The following NSUN4 variants were observed in gnomAD, a reference collection of about 807,000 sequenced individuals.
The protein encoded by NSUN4 is 5-cytosine rRNA methyltransferase NSUN4.
NSUN4 carries 31 observed loss-of-function variants against 43.8 expected under a neutral mutation model. The observed-to-expected ratio is 0.71, with a 90% CI of 0.53 to 0.96. The LOEUF is 0.96. Among genes scored for constraint, NSUN4 ranks in the 40% least tolerant of loss-of-function variants. The pLI is 0.00. For missense variants in NSUN4, 439 were observed against 475.6 expected, an observed-to-expected ratio of 0.92 and a Z score of 0.72; for synonymous variants, 167 against 184.1, an observed-to-expected ratio of 0.91 and a Z score of 0.75.
chr1:46,346,663 G>A (rs888540435), intron 2 of NSUN4, among the ~76,000 whole-genome samples: 2 of 152,136 alleles, frequency 1.3e-5, no homozygotes, highest in Admixed American at 6.5e-5. Flanking sequence ...GGTGGAGGTT[G>A]CAGCGAGACG....
At chr1:46,371,938 A>G in the NSUN4 span, among the ~76,000 whole-genome samples, 5 of 152,180 alleles carry the variant, frequency 3.3e-5, no homozygotes, top group East Asian at 5.8e-4. Flanking sequence ...ATCCGCCCCT[A>G]TGATTCAAAC....
intron 4 of NSUN4, among the ~76,000 whole-genome samples, chr1:46,357,021 G>A (rs1663430539): frequency 2.0e-5 from 3 of 152,128 alleles, no homozygotes; most frequent in African/African-American, 7.2e-5. Flanking sequence ...ATCCTGGCAC[G>A]ACTGGTTATT....
At chr1:46,383,919 G>C in the NSUN4 span, among the ~76,000 whole-genome samples, 1 of 152,184 alleles carries the variant, frequency 6.6e-6, no homozygotes, top group African/African-American at 2.4e-5. Flanking sequence ...AGGGGAAGGG[G>C]TTCTTATTCC....
the NSUN4 span, among the ~76,000 whole-genome samples, chr1:46,374,797 A>G: frequency 6.6e-6 from 1 of 151,846 alleles, no homozygotes; most frequent in Non-Finnish European, 1.5e-5. Context: ...CCAGGAGTAT[A>G]TGAGTATATG....
intron 4 of NSUN4, among the ~76,000 whole-genome samples, chr1:46,357,492 T>C (rs1663470373): frequency 6.6e-6 from 1 of 152,208 alleles, no homozygotes; most frequent in Admixed American, 6.5e-5. Flanking sequence ...ATTAGAAATA[T>C]ATTAGAACCA....
chr1:46,346,987 C>T lies in NSUN4; in HGVS notation c.504C>T (p.Ala168=), dbSNP rs767222066. ...MDAASLLPVL[A]LGLQPGDIVL... ...CTGCCTCCTTGCTGCCTGTTCTGGC[C>T]CTCGGCCTGCAGCCTGGGGACATCG... The change falls in exon 3 of 6, where the codon GCC becomes GCT. Residue 168 remains alanine (A), a synonymous_variant. Coordinates refer to ENST00000474844, the MANE Select transcript of NSUN4 (RefSeq NM_199044.4). 5 of 1,614,026 alleles carry T rather than the reference C, an allele frequency of 3.1e-6. No homozygotes were observed. The highest frequency in any genetic ancestry group is 1.6e-4 in the Middle Eastern group (1 of 6,084).
intron 3 of NSUN4, among the ~76,000 whole-genome samples, chr1:46,349,366 T>A (rs1326197590): frequency 6.6e-6 from 1 of 152,028 alleles, no homozygotes; most frequent in Non-Finnish European, 1.5e-5. Flanking sequence ...GGTCTTGATC[T>A]CCTGACCTCG....
intron 3 of NSUN4, among the ~76,000 whole-genome samples, chr1:46,347,657 C>G (rs1470825519): frequency 6.6e-6 from 1 of 152,136 alleles, no homozygotes; most frequent in Non-Finnish European, 1.5e-5. Context: ...GTTTACTTTT[C>G]CTCTAAGATT....
At chr1:46,371,332 G>A in the NSUN4 span, among the ~76,000 whole-genome samples, 1 of 147,816 alleles carries the variant, frequency 6.8e-6, no homozygotes, top group Non-Finnish European at 1.5e-5. Context: ...TTGAGATGGA[G>A]TCTTGCTCTG....
chr1:46,383,487 G>C, the NSUN4 span, among the ~76,000 whole-genome samples: 1 of 135,440 alleles, frequency 7.4e-6, no homozygotes, highest in East Asian at 2.2e-4. Flanking sequence ...ATGGAGTCTC[G>C]CTCTGTCGCC....
In NSUN4 at chr1:46,360,716, G is replaced by A. The variant is rs1406849075; in HGVS notation, c.766G>A (p.Val256Met). Reference protein sequence around the residue: ...GDTYDRVLVDVPCTTDRHSLH... With the variant: ...GDTYDRVLVDMPCTTDRHSLH... Reference sequence around the variant, plus strand: ...ACACTCTGGGTAGGTGCTGGTGGATGTGCCCTGTACCACAGACCGCCACTC... The same window carrying A: ...ACACTCTGGGTAGGTGCTGGTGGATATGCCCTGTACCACAGACCGCCACTC... The change falls in exon 5 of 6, where the codon GTG becomes ATG. Residue 256 changes from valine to methionine, a missense_variant. Physicochemically the swap from Val to Met is conservative, Grantham distance 21. Transcript: ENST00000474844. 3.1e-6 allele frequency: 5 copies of A among 1,613,876 alleles called. No homozygotes were observed. Among genetic ancestry groups the A allele is most frequent in the East Asian group, 4.5e-5 (2 of 44,880 alleles).
chr1:46,358,241 G>C (rs1461678471), intron 4 of NSUN4, among the ~76,000 whole-genome samples: 3 of 151,854 alleles, frequency 2.0e-5, no homozygotes, highest in African/African-American at 7.3e-5. Flanking sequence ...GATTACAGGT[G>C]CCCACCACTG....
the NSUN4 span, among the ~76,000 whole-genome samples, chr1:46,377,159 C>T: frequency 6.6e-6 from 1 of 151,058 alleles, no homozygotes; most frequent in African/African-American, 2.4e-5. Flanking sequence ...AAGCAATTCT[C>T]ATGCCTCAGC....
chr1:46,384,138 G>T, the NSUN4 span, among the ~76,000 whole-genome samples: 1 of 152,186 alleles, frequency 6.6e-6, no homozygotes, highest in Non-Finnish European at 1.5e-5. Context: ...AGTCAGGGTG[G>T]AGTAGGTAAT....
At chr1:46,356,585 G>A (rs944029510) in intron 4 of NSUN4, among the ~76,000 whole-genome samples, 3 of 152,052 alleles carry the variant, frequency 2.0e-5, no homozygotes, top group African/African-American at 4.8e-5. Flanking sequence ...CCAGCTACTC[G>A]GGAGGCTGAG....
chr1:46,348,337 G>A (rs529952035), intron 3 of NSUN4, among the ~76,000 whole-genome samples: 2 of 152,278 alleles, frequency 1.3e-5, no homozygotes, highest in East Asian at 1.9e-4. Context: ...TGTCTCCTAC[G>A]CTCCCACAGC....
the NSUN4 span, among the ~76,000 whole-genome samples, chr1:46,376,751 AAC>A: frequency 6.6e-6 from 1 of 150,662 alleles, no homozygotes; most frequent in East Asian, 2.0e-4. Context: ...TGTGTATAGA[AAC>A]ACACTTACTA....
rs762010717 is a variant in NSUN4 at position 46,353,027 on chromosome 1, G to A, written c.752G>A (p.Arg251Gln). The A allele has an allele frequency of 3.7e-6, 6 of 1,613,784 alleles. No homozygotes were observed. Among genetic ancestry groups the A allele is most frequent in the South Asian group, 1.1e-5 (1 of 91,078 alleles). ...GAACTGGAGGGGGACACCTATGACC[G>A]GGTGAGTGATTCTTGATTTAGGACA... ...WGELEGDTYD[R>Q]VLVDVPCTTD... Residue 251 changes from arginine to glutamine, a missense_variant and splice_region_variant, in exon 4 of 6, where the codon CGG (arginine) becomes CAG (glutamine). Arg to Gln is a conservative substitution (Grantham distance 43, BLOSUM62 1). Transcript: ENST00000474844.
At chr1:46,355,330 G>T (rs1356314626) in intron 4 of NSUN4, among the ~76,000 whole-genome samples, 2 of 152,174 alleles carry the variant, frequency 1.3e-5, no homozygotes, top group Non-Finnish European at 2.9e-5. Flanking sequence ...GCCTCTTACT[G>T]CAATCTGTAG....
Sources: allele counts gnomAD v4.1 joint callset (sites outside exome capture counted in the v4.1 genomes callset), GRCh38; gene constraint gnomAD v4.1.1; transcripts MANE v1.5; gene names NCBI Gene and HGNC (gene_info 2026-07-23, HGNC 2026-07-21).